The following PCDHA8 variants were observed in gnomAD, a reference collection of about 807,000 sequenced individuals.
PCDHA8 encodes the protein protocadherin alpha 8.
PCDHA8 carries 53 observed loss-of-function variants against 61.8 expected under a neutral mutation model. That is an observed-to-expected ratio of 0.86 (90% CI 0.69 to 1.08). The LOEUF (loss-of-function observed/expected upper bound fraction) is 1.08. PCDHA8 is among the 50% of genes least tolerant of loss of function. PCDHA8 has a pLI of 0.00. For synonymous variants in PCDHA8, 618 were observed against 556.6 expected (o/e 1.11, Z -1.55); for missense variants, 1,293 against 1,245.0 (o/e 1.04, Z -0.58).
intron 3 of PCDHA8, among the ~76,000 whole-genome samples, chr5:140,999,845 T>C (rs1293721817): frequency 6.6e-6 from 1 of 152,188 alleles, no homozygotes; most frequent in African/African-American, 2.4e-5. Context: ...CAAGTGTATT[T>C]ATCTCTTCCG....
At chr5:140,966,678 C>G (rs2096036369) in intron 1 of PCDHA8, 8 of 1,313,236 alleles carry the variant, frequency 6.1e-6, no homozygotes, top group Non-Finnish European at 2.9e-6. Context: ...CAGGGTGGCA[C>G]GAGCGGAGGC....
Position 140,850,862 on chromosome 5 carries a change from C to G in PCDHA8, c.2394+7147C>G, listed in dbSNP as rs2150500833. 5.6e-6 allele frequency: 9 copies of G among 1,592,960 alleles called. 1 individual carries two copies. In the South Asian group the frequency reaches 1.0e-4, roughly 18 times the overall value. Reference sequence around the variant, plus strand: ...GATCTACAGAGCGAACGGGAGAACCCTCTGCTTCCTCAGATTCAACTGGGA... The same window carrying G: ...GATCTACAGAGCGAACGGGAGAACCGTCTGCTTCCTCAGATTCAACTGGGA... On this transcript the variant is annotated intron_variant, in intron 1 of 3. Transcript: ENST00000531613.
In PCDHA8 at chr5:140,843,150, A is replaced by T; in HGVS notation, c.1829A>T (p.Glu610Val). ...DSGYNAWLSY[E>V]LQPAASSPRI... Reference sequence around the variant, plus strand: ...GGCTACAACGCGTGGCTTTCGTATGAGCTGCAGCCAGCTGCAAGCAGCCCT... The same window carrying T: ...GGCTACAACGCGTGGCTTTCGTATGTGCTGCAGCCAGCTGCAAGCAGCCCT... Residue 610 changes from glutamate to valine, a missense_variant, in exon 1 of 4, where the codon GAG becomes GTG. Physicochemically the swap from Glu to Val is moderately radical, Grantham distance 121 (BLOSUM62 -2). Transcript: ENST00000531613. 1.3e-6 allele frequency: 2 copies of T among 1,595,990 alleles called. 1 individual carries two copies. Among genetic ancestry groups the T allele is most frequent in the Non-Finnish European group, 1.7e-6 (2 of 1,165,576 alleles).
At chr5:140,924,596 T>C (rs1309205821) in intron 1 of PCDHA8, among the ~76,000 whole-genome samples, 1 of 152,116 alleles carries the variant, frequency 6.6e-6, no homozygotes, top group Non-Finnish European at 1.5e-5. Context: ...TATAGAAATA[T>C]GCAGGCTGAT....
At chr5:140,883,682 T>G (rs2059750474) in intron 1 of PCDHA8, 1 of 1,613,604 alleles carries the variant, frequency 6.2e-7, no homozygotes. Context: ...TCCGCCGGGC[T>G]GCCACATCTT....
At chr5:140,911,410 A>G (rs1472938045) in intron 1 of PCDHA8, among the ~76,000 whole-genome samples, 1 of 152,208 alleles carries the variant, frequency 6.6e-6, no homozygotes, top group African/African-American at 2.4e-5. Context: ...AGCCACTGGT[A>G]TGATAAGAAC....
intron 1 of PCDHA8, chr5:140,871,107 G>A (rs1554165128): frequency 1.2e-6 from 2 of 1,613,306 alleles, no homozygotes; most frequent in Admixed American, 1.7e-5. Flanking sequence ...TGGTGTCGTT[G>A]GTGGAGAGCG....
intron 1 of PCDHA8, chr5:140,966,476 C>G: frequency 2.3e-6 from 1 of 432,972 alleles, no homozygotes; most frequent in Non-Finnish European, 4.0e-6. Flanking sequence ...CTTCTGTTTC[C>G]TTTTCCCTCC....
At chr5:140,884,504 G>C in intron 1 of PCDHA8, 2 of 1,614,180 alleles carry the variant, frequency 1.2e-6, no homozygotes, top group South Asian at 2.2e-5. Flanking sequence ...CAGCGCGGCA[G>C]GGAGTTGGTC....
intron 3 of PCDHA8, among the ~76,000 whole-genome samples, chr5:140,988,661 A>G (rs1411850477): frequency 6.6e-6 from 1 of 152,186 alleles, no homozygotes; most frequent in Non-Finnish European, 1.5e-5. Context: ...TTGTTTATGA[A>G]TAGACTCTAA....
At chr5:140,966,740 C>G in intron 1 of PCDHA8, 1 of 1,422,696 alleles carries the variant, frequency 7.0e-7, no homozygotes, top group Non-Finnish European at 9.1e-7. Flanking sequence ...CGGCCCTGCC[C>G]GGCTGCCTCC....
At chr5:140,982,275 A>G (rs1315034472) in intron 2 of PCDHA8, 200 bp from the exon 3 acceptor site, 3 of 951,630 alleles carry the variant, frequency 3.2e-6, no homozygotes, top group Non-Finnish European at 4.5e-6. Context: ...GGAATAGTAT[A>G]GCAGGCAATA....
intron 1 of PCDHA8, among the ~76,000 whole-genome samples, chr5:140,917,473 C>G (rs1355146896): frequency 1.3e-5 from 2 of 152,196 alleles, no homozygotes; most frequent in Admixed American, 1.3e-4. Flanking sequence ...GTCATGAAAT[C>G]TTTGCCAGGG....
chr5:140,873,875 G>T (rs977504739), intron 1 of PCDHA8, among the ~76,000 whole-genome samples: 2 of 152,104 alleles, frequency 1.3e-5, no homozygotes, highest in African/African-American at 4.8e-5. Context: ...TGGCCAGGCT[G>T]GTCTTGAACT....
chr5:141,008,074 G>A (rs1484978543), intron 3 of PCDHA8, among the ~76,000 whole-genome samples: 1 of 151,988 alleles, frequency 6.6e-6, no homozygotes, highest in Non-Finnish European at 1.5e-5. Flanking sequence ...AGAACTTATT[G>A]GGGTTATTCT....
chr5:140,978,633 CA>C (rs2096813426), intron 1 of PCDHA8, among the ~76,000 whole-genome samples: 1 of 152,214 alleles, frequency 6.6e-6, no homozygotes, highest in South Asian at 2.1e-4. Context: ...TTTCCTTTCT[CA>C]AAGCAGACTG....
chr5:140,987,898 A>T (rs1394668777), intron 3 of PCDHA8, among the ~76,000 whole-genome samples: 1 of 152,092 alleles, frequency 6.6e-6, no homozygotes, highest in Non-Finnish European at 1.5e-5. Context: ...CCCTAGTTTT[A>T]TATGGGGATT....
At chr5:140,922,254 T>G (rs2080741873) in intron 1 of PCDHA8, among the ~76,000 whole-genome samples, 1 of 152,228 alleles carries the variant, frequency 6.6e-6, no homozygotes, top group East Asian at 1.9e-4. Context: ...GATAAGTTAC[T>G]AAGTGCCATG....
chr5:140,993,462 TCACACACACACA>T (rs3836747), intron 3 of PCDHA8, among the ~76,000 whole-genome samples: 1,999 of 141,038 alleles, frequency 0.014, 48 homozygotes, highest in African/African-American at 0.047. Context: ...TCTTTCTTTC[TCACACACACACA>T]CACACACACA....
Sources: allele counts gnomAD v4.1 joint callset (sites outside exome capture counted in the v4.1 genomes callset), GRCh38; gene constraint gnomAD v4.1.1; transcripts MANE v1.5; gene names NCBI Gene and HGNC (gene_info 2026-07-23, HGNC 2026-07-21).